GRID2: variants seen among roughly 807,000 people sequenced by gnomAD.
GRID2 encodes the protein glutamate receptor ionotropic, delta-2.
In GRID2, 33 loss-of-function variants were observed where a neutral mutation model predicts 114.8. That is an observed-to-expected ratio of 0.29 (90% CI 0.22 to 0.38). GRID2 has a LOEUF of 0.38. Among genes scored for constraint, GRID2 ranks in the 10% least tolerant of loss-of-function variants. The pLI, the probability that GRID2 is intolerant of heterozygous loss-of-function variation, is 1.00. For missense variants in GRID2, 1,184 were observed against 1,257.7 expected, an observed-to-expected ratio of 0.94 and a Z score of 0.89; for synonymous variants, 505 against 449.9, an observed-to-expected ratio of 1.12 and a Z score of -1.55.
At chr4:93,459,461 T>C (rs1381396332) in intron 11 of GRID2, among the ~76,000 whole-genome samples, 1 of 152,124 alleles carries the variant, frequency 6.6e-6, no homozygotes, top group African/African-American at 2.4e-5. Context: ...GCTGTAATGA[T>C]GGCTTGGATT....
At chr4:92,407,860 T>G (rs2110294131) in intron 1 of GRID2, among the ~76,000 whole-genome samples, 1 of 152,204 alleles carries the variant, frequency 6.6e-6, no homozygotes, top group African/African-American at 2.4e-5. Context: ...TAACTTACAA[T>G]TATTCTTTCC....
intron 14 of GRID2, among the ~76,000 whole-genome samples, chr4:93,676,986 T>G (rs997281139): frequency 7.2e-5 from 11 of 151,958 alleles, no homozygotes; most frequent in Admixed American, 3.3e-4. Flanking sequence ...ATTGCCTCAC[T>G]CGGGAAGCGC....
chr4:92,843,926 A>G (rs900402912), intron 2 of GRID2, among the ~76,000 whole-genome samples: 1 of 152,136 alleles, frequency 6.6e-6, no homozygotes, highest in Non-Finnish European at 1.5e-5. Flanking sequence ...TTTTGTAACA[A>G]TGCATTCGTC....
chr4:92,677,087 A>G (rs1414423431), intron 2 of GRID2, among the ~76,000 whole-genome samples: 2 of 152,188 alleles, frequency 1.3e-5, no homozygotes, highest in East Asian at 3.9e-4. Context: ...TAGAGACAAA[A>G]CAGATTGGTG....
At chr4:93,605,970 A>G (rs1740193747) in intron 13 of GRID2, among the ~76,000 whole-genome samples, 1 of 152,184 alleles carries the variant, frequency 6.6e-6, no homozygotes, top group Admixed American at 6.6e-5. Flanking sequence ...AGAGGATGGT[A>G]GAAAGTAGAA....
At chr4:93,588,301 T>A (rs1737747613) in intron 13 of GRID2, among the ~76,000 whole-genome samples, 1 of 152,126 alleles carries the variant, frequency 6.6e-6, no homozygotes, top group African/African-American at 2.4e-5. Flanking sequence ...AATCAAAATT[T>A]TTTTTGCAGT....
chr4:92,615,990 A>G (rs149080993), intron 2 of GRID2, among the ~76,000 whole-genome samples: 2 of 151,576 alleles, frequency 1.3e-5, no homozygotes. Context: ...TGATTTATGC[A>G]TTTCTTTTAA....
chr4:93,521,350 AT>A (rs1044425613), intron 13 of GRID2, among the ~76,000 whole-genome samples: 2 of 152,164 alleles, frequency 1.3e-5, no homozygotes, highest in African/African-American at 4.8e-5. Context: ...TATAAACACA[AT>A]TTAATATTTA....
intron 1 of GRID2, among the ~76,000 whole-genome samples, chr4:92,573,198 T>A (rs1727715472): frequency 6.6e-6 from 1 of 152,170 alleles, no homozygotes; most frequent in Non-Finnish European, 1.5e-5. Flanking sequence ...TTGCATTTAT[T>A]TGAATATTAT....
chr4:92,929,420 A>G (rs1429454774), intron 2 of GRID2, among the ~76,000 whole-genome samples: 1 of 151,232 alleles, frequency 6.6e-6, no homozygotes, highest in Admixed American at 6.6e-5. Flanking sequence ...ACATTAAAAA[A>G]CCTAACTTAT....
intron 8 of GRID2, among the ~76,000 whole-genome samples, chr4:93,257,920 G>T (rs1749772638): frequency 2.0e-5 from 3 of 149,056 alleles, no homozygotes; most frequent in African/African-American, 7.4e-5. Flanking sequence ...TATTTTTATA[G>T]AATTATTACC....
In GRID2 at chr4:92,731,905, T is replaced by C. The variant is rs568445003; in HGVS notation, c.244+141619T>C. On this transcript the variant is annotated intron_variant, in intron 2 of 15. Transcript: ENST00000282020. ...AAATTGAAAGGAGTGTTTGAAATCA[T>C]AGGGCATGGGTAGTAGTGGAATTGC... 3.3e-5 allele frequency among the ~76,000 whole-genome samples: 5 copies of C among 152,138 alleles called. No homozygotes were observed. In the South Asian group the frequency reaches 6.2e-4, roughly 19 times the overall value.
At chr4:93,283,936 G>A (rs1007380037) in intron 8 of GRID2, among the ~76,000 whole-genome samples, 3 of 152,038 alleles carry the variant, frequency 2.0e-5, no homozygotes, top group African/African-American at 7.2e-5. Flanking sequence ...ATAATATTGT[G>A]TGTCATAGAA....
At chr4:93,589,067 A>ATTG (rs1324698243) in intron 13 of GRID2, among the ~76,000 whole-genome samples, 1 of 151,492 alleles carries the variant, frequency 6.6e-6, no homozygotes, top group African/African-American at 2.4e-5. Context: ...TATTATTATT[A>ATTG]TACTTTAAGT....
chr4:93,757,013 T>C (rs927571914), intron 14 of GRID2, among the ~76,000 whole-genome samples: 6 of 152,154 alleles, frequency 3.9e-5, no homozygotes, highest in African/African-American at 1.4e-4. Flanking sequence ...CAATACTAAA[T>C]GGGCAGTTCT....
intron 1 of GRID2, among the ~76,000 whole-genome samples, chr4:92,396,012 G>A (rs924927000): frequency 3.3e-5 from 5 of 151,684 alleles, no homozygotes; most frequent in Non-Finnish European, 7.4e-5. Flanking sequence ...AGTAATAGAA[G>A]AATTTTTATG....
intron 5 of GRID2, among the ~76,000 whole-genome samples, chr4:93,211,639 G>A (rs763233874): frequency 3.4e-4 from 51 of 152,128 alleles, no homozygotes; most frequent in Middle Eastern, 6.8e-3. Flanking sequence ...CATTGAAACC[G>A]TTATCTCTTT....
At chr4:93,048,142 T>A (rs1726340313) in intron 2 of GRID2, among the ~76,000 whole-genome samples, 1 of 152,024 alleles carries the variant, frequency 6.6e-6, no homozygotes, top group African/African-American at 2.4e-5. Context: ...CCTGTTGTCA[T>A]TTTTAGTAAG....
chr4:93,324,244 G>T (rs1490734916), intron 8 of GRID2, among the ~76,000 whole-genome samples: 1 of 152,134 alleles, frequency 6.6e-6, no homozygotes, highest in Non-Finnish European at 1.5e-5. Context: ...TTTATTGAGA[G>T]TTTTTAGCAT....
Sources: gnomAD v4.1 joint callset for allele counts (sites outside exome capture counted in the v4.1 genomes callset) on GRCh38, gnomAD v4.1.1 for gene constraint, MANE v1.5 for transcripts, NCBI Gene and HGNC (gene_info 2026-07-23, HGNC 2026-07-21) for gene names.